Variants in SLC7A11 observed in about 807,000 individuals in gnomAD.
SLC7A11 encodes the protein cystine/glutamate transporter.
In SLC7A11, 35 loss-of-function variants were observed where a neutral mutation model predicts 54.5. That is an observed-to-expected ratio of 0.64 (90% CI 0.49 to 0.85). The LOEUF is 0.85. Ranked by LOEUF, SLC7A11 falls within the 40% of genes least tolerant of loss-of-function variation. The probability of loss-of-function intolerance (pLI) is 0.00; values close to 1 mark genes in which losing one functional copy is unlikely to be tolerated. For synonymous variants in SLC7A11, 230 were observed against 225.2 expected, an observed-to-expected ratio of 1.02 and a Z score of -0.19; for missense variants, 583 against 618.1, an observed-to-expected ratio of 0.94 and a Z score of 0.60.
intron 11 of SLC7A11, chr4:138,174,593 C>T (rs965367947): frequency 6.6e-6 from 1 of 152,218 alleles, no homozygotes; most frequent in Non-Finnish European, 1.5e-5. Context: ...GACCAGACAG[C>T]AGTGCTCAAG....
At position 138,171,904 on chromosome 4, in the gene SLC7A11, C is replaced by A; in HGVS notation, c.*52G>T. ...ACTTTCAGAAAATGAAGTAAAAATC[C>A]CTATTTTGTGTCTCCCCTTGGGCAG... On this transcript the variant is annotated 3_prime_UTR_variant, in exon 12 of 12. Coordinates refer to ENST00000280612, the MANE Select transcript of SLC7A11 (RefSeq NM_014331.4). 1.9e-6 allele frequency: 3 copies of A among 1,546,900 alleles called. No individual in the cohort carries two copies. The highest frequency in any genetic ancestry group is 2.5e-5 in the South Asian group (2 of 78,452).
intron 3 of SLC7A11, 73 bp from the exon 4 acceptor site, chr4:138,223,397 C>G (rs994547971): frequency 1.3e-6 from 2 of 1,516,762 alleles, no homozygotes; most frequent in Admixed American, 1.7e-5. Flanking sequence ...CCTTGTTACT[C>G]AAAGGGCAAT....
At chr4:138,203,117 C>T (rs1480803625) in intron 6 of SLC7A11, among the ~76,000 whole-genome samples, 2 of 152,072 alleles carry the variant, frequency 1.3e-5, no homozygotes, top group Non-Finnish European at 2.9e-5. Flanking sequence ...ACCTTCTTCC[C>T]TCCCCACCCC....
chr4:138,171,308 A>C lies in SLC7A11; in HGVS notation c.*648T>G, dbSNP rs2148405298. On this transcript the variant is annotated 3_prime_UTR_variant, in exon 12 of 12. Coordinates refer to ENST00000280612, the MANE Select transcript of SLC7A11 (RefSeq NM_014331.4). Reference sequence around the variant, plus strand: ...TAAATTCTCAAGGATTTTTACTTAAACATAACTCCTGGATGTGTCTCATAA... The same window carrying C: ...TAAATTCTCAAGGATTTTTACTTAACCATAACTCCTGGATGTGTCTCATAA... 1 of 152,280 alleles carries C rather than the reference A, an allele frequency of 6.6e-6. No homozygotes were observed. The highest frequency in any genetic ancestry group is 6.5e-5 in the Admixed American group (1 of 15,298). 9.4% of individuals were successfully genotyped at this position (152,280 alleles called of 1,614,324 possible).
At chr4:138,220,544 A>T (rs1238321324) in intron 4 of SLC7A11, among the ~76,000 whole-genome samples, 1 of 152,164 alleles carries the variant, frequency 6.6e-6, no homozygotes. Context: ...ATGTGAATTG[A>T]ACACTTCACC....
chr4:138,195,973 T>G (rs1453510287), intron 6 of SLC7A11, among the ~76,000 whole-genome samples: 1 of 152,132 alleles, frequency 6.6e-6, no homozygotes, highest in Non-Finnish European at 1.5e-5. Flanking sequence ...TTTATTATTT[T>G]TATTTTTGGC....
chr4:138,221,761 A>G, intron 4 of SLC7A11, among the ~76,000 whole-genome samples: 1 of 152,362 alleles, frequency 6.6e-6, no homozygotes, highest in African/African-American at 2.4e-5. Flanking sequence ...AAAATTGAAT[A>G]AAGTCTATAA....
Position 138,242,171 on chromosome 4 carries a change from A to C in SLC7A11, c.-102T>G. On this transcript the variant is annotated 5_prime_UTR_variant, in exon 1 of 12. Transcript: ENST00000280612. ...CTGATCGATGTCTTCCTCTGCTTTCAGACTGTCTCTCTCAGCGCTATAGTG... is the reference window on the plus strand; with the variant it reads ...CTGATCGATGTCTTCCTCTGCTTTCCGACTGTCTCTCTCAGCGCTATAGTG... 7.5e-7 allele frequency: 1 copy of C among 1,325,882 alleles called. No homozygotes were observed. Among genetic ancestry groups the C allele is most frequent in the South Asian group, 1.4e-5 (1 of 72,574 alleles). The allele number at this position is 1,325,882 out of a possible 1,614,324, so 82.1% of individuals were successfully genotyped here.
At chr4:138,214,714 C>T in intron 5 of SLC7A11, 85 bp from the exon 6 acceptor site, 1 of 442,190 alleles carries the variant, frequency 2.3e-6, no homozygotes, top group East Asian at 4.5e-5. Context: ...AACATTGAAC[C>T]CAGAATTATG....
chr4:138,229,952 T>C (rs2148451371), intron 3 of SLC7A11, among the ~76,000 whole-genome samples: 1 of 152,300 alleles, frequency 6.6e-6, no homozygotes, highest in South Asian at 2.1e-4. Context: ...AATTGTGATA[T>C]GATTCTGCCT....
intron 2 of SLC7A11, 81 bp downstream of exon 2, chr4:138,236,244 C>A: frequency 7.9e-7 from 1 of 1,263,034 alleles, no homozygotes; most frequent in South Asian, 1.4e-5. Flanking sequence ...ATGCATGTGT[C>A]TAACCAGTTA....
chr4:138,229,136 T>C lies in SLC7A11; in HGVS notation c.520+3131A>G, dbSNP rs146904223. Among the ~76,000 whole-genome samples, 241 of 152,306 alleles carry C rather than the reference T, an allele frequency of 1.6e-3. 1 individual carries two copies. The highest frequency in any genetic ancestry group is 2.6e-3 in the Non-Finnish European group (178 of 68,036). On this transcript the variant is annotated intron_variant, in intron 3 of 11. Transcript: ENST00000280612. ...AGAGATTTCAAATGACCACGAACTG[T>C]TTCCTTCCCCAGGGATCACAGGGAA...
chr4:138,206,995 G>GGAA (rs1737424183), intron 6 of SLC7A11, among the ~76,000 whole-genome samples: 1 of 18,414 alleles, frequency 5.4e-5, no homozygotes, highest in African/African-American at 1.4e-4. Context: ...CTAAAGAAAA[G>GGAA]CAAAAAAAAA....
rs888179276 is a variant in SLC7A11, at chr4:138,168,185, C to A, written c.*3771G>T. The A allele has an allele frequency of 6.6e-6, 1 of 152,156 alleles. No individual in the cohort carries two copies. Among genetic ancestry groups the A allele is most frequent in the African/African-American group, 2.4e-5 (1 of 41,440 alleles). 9.4% of individuals were successfully genotyped at this position (152,156 alleles called of 1,614,324 possible). On this transcript the variant is annotated 3_prime_UTR_variant, in exon 12 of 12. Transcript: ENST00000280612. ...CAAAATTAGTACAGAATTCCTAATACAAAGTTAGGTTCAGGACCTCGAATG... is the reference window on the plus strand; with the variant it reads ...CAAAATTAGTACAGAATTCCTAATAAAAAGTTAGGTTCAGGACCTCGAATG...
chr4:138,165,293 T>C lies in SLC7A11; in HGVS notation c.*6663A>G, dbSNP rs1401456755. On this transcript the variant is annotated 3_prime_UTR_variant, in exon 12 of 12. Coordinates refer to ENST00000280612, the MANE Select transcript of SLC7A11 (RefSeq NM_014331.4). Reference sequence around the variant, plus strand: ...CATTTCTACCAGTGCATCACTACCATGTAATCCATTCTACGCAAGCTCTAC... The same window carrying C: ...CATTTCTACCAGTGCATCACTACCACGTAATCCATTCTACGCAAGCTCTAC... 6.6e-6 allele frequency: 1 copy of C among 152,580 alleles called. No individual in the cohort carries two copies. Among genetic ancestry groups the C allele is most frequent in the Non-Finnish European group, 1.5e-5 (1 of 67,994 alleles). 9.5% of individuals were successfully genotyped at this position (152,580 alleles called of 1,614,324 possible). A position where few individuals can be genotyped will look rare whatever the true frequency, so the allele number is the denominator to read the frequency against.
At chr4:138,175,503 C>T (rs1473401415) in intron 11 of SLC7A11, among the ~76,000 whole-genome samples, 3 of 152,010 alleles carry the variant, frequency 2.0e-5, no homozygotes, top group Admixed American at 6.6e-5. Context: ...TTGGGGTATC[C>T]GCCCCTTTTT....
Position 138,170,556 on chromosome 4 carries a change from T to C in SLC7A11, c.*1400A>G, listed in dbSNP as rs772153662. On this transcript the variant is annotated 3_prime_UTR_variant, in exon 12 of 12. Transcript: ENST00000280612. The stretch of plus-strand genomic sequence containing the variant: ...GTCTAGAACTCCCGACCTCAGGTGA[T>C]CCACCCCCTCAGCCTCCCAAAGTGC... 6.6e-6 allele frequency: 1 copy of C among 151,814 alleles called. No homozygotes were observed. The highest frequency in any genetic ancestry group is 1.5e-5 in the Non-Finnish European group (1 of 67,956). 9.4% of individuals were successfully genotyped at this position (151,814 alleles called of 1,614,324 possible).
Position 138,165,471 on chromosome 4 carries a change from T to TA in SLC7A11, c.*6484dup, listed in dbSNP as rs1736232714. 6.6e-6 allele frequency: 1 copy of TA among 152,574 alleles called. No homozygotes were observed. The highest frequency in any genetic ancestry group is 2.1e-4 in the South Asian group (1 of 4,830). 9.5% of individuals were successfully genotyped at this position (152,574 alleles called of 1,614,324 possible). Reference sequence around the variant, plus strand: ...ACATTTAGTATCAGTAAAAAACAACTACGTTTGTTCACCTGTTTGGCATAG... The same window carrying TA: ...ACATTTAGTATCAGTAAAAAACAACTAACGTTTGTTCACCTGTTTGGCATAG... On this transcript the variant is annotated 3_prime_UTR_variant, in exon 12 of 12. Transcript: ENST00000280612.
intron 11 of SLC7A11, chr4:138,174,700 G>C (rs1044527215): frequency 6.6e-5 from 10 of 152,146 alleles, no homozygotes; most frequent in African/African-American, 2.4e-4. Flanking sequence ...TGTTGAAAAA[G>C]TCTTTCGGCT....
Sources: allele counts gnomAD v4.1 joint callset (sites outside exome capture counted in the v4.1 genomes callset), GRCh38; gene constraint gnomAD v4.1.1; transcripts MANE v1.5; gene names NCBI Gene and HGNC (gene_info 2026-07-23, HGNC 2026-07-21).